The following MACROD2 variants were observed in gnomAD, a reference collection of about 807,000 sequenced individuals.
MACROD2 encodes the protein mono-ADP ribosylhydrolase 2, also known as ADP-ribose glycohydrolase MACROD2.
MACROD2 carries 36 observed loss-of-function variants against 70.4 expected under a neutral mutation model. That is an observed-to-expected ratio of 0.51 (90% CI 0.39 to 0.68). The LOEUF is 0.68. Among genes scored for constraint, MACROD2 ranks in the 30% least tolerant of loss-of-function variants. The pLI is 0.00. For missense variants in MACROD2, 496 were observed against 538.4 expected (o/e 0.92, Z 0.78); for synonymous variants, 172 against 178.8 (o/e 0.96, Z 0.30).
At chr20:15,882,352 C>T (rs919419119) in intron 9 of MACROD2, among the ~76,000 whole-genome samples, 4 of 151,952 alleles carry the variant, frequency 2.6e-5, no homozygotes, top group African/African-American at 9.7e-5. Context: ...AATGAATGGA[C>T]CCAGGAGACA....
At chr20:15,278,815 G>A (rs947378470) in intron 6 of MACROD2, among the ~76,000 whole-genome samples, 2 of 152,126 alleles carry the variant, frequency 1.3e-5, no homozygotes, top group Admixed American at 1.3e-4. Flanking sequence ...TCTTCATTAG[G>A]CATTAAATTC....
chr20:14,360,629 G>A (rs548965812), intron 3 of MACROD2, among the ~76,000 whole-genome samples: 1 of 152,182 alleles, frequency 6.6e-6, no homozygotes, highest in South Asian at 2.1e-4. Context: ...TTGCTAGGTT[G>A]TTGGAGAGAG....
intron 5 of MACROD2, among the ~76,000 whole-genome samples, chr20:15,197,510 G>A (rs990542933): frequency 1.3e-5 from 2 of 152,068 alleles, no homozygotes; most frequent in South Asian, 2.1e-4. Flanking sequence ...TAATTTAGGG[G>A]AACAGGAATA....
chr20:14,723,254 C>T (rs2071490838), intron 5 of MACROD2, among the ~76,000 whole-genome samples: 2 of 152,244 alleles, frequency 1.3e-5, no homozygotes, highest in Middle Eastern at 6.8e-3. Context: ...GCAGTTTTCT[C>T]ATCAGGAGCA....
chr20:14,867,245 G>A (rs574436341), intron 5 of MACROD2, among the ~76,000 whole-genome samples: 5 of 152,228 alleles, frequency 3.3e-5, no homozygotes, highest in African/African-American at 1.2e-4. Flanking sequence ...TTTCTTTGAG[G>A]GAGAAGAAAC....
At chr20:14,953,046 T>G (rs780066639) in intron 5 of MACROD2, among the ~76,000 whole-genome samples, 4 of 152,074 alleles carry the variant, frequency 2.6e-5, no homozygotes, top group Admixed American at 6.6e-5. Context: ...TACAGTGGTA[T>G]GTGTCAGACT....
At chr20:16,025,772 A>C (rs578128934) in intron 15 of MACROD2, among the ~76,000 whole-genome samples, 1 of 152,236 alleles carries the variant, frequency 6.6e-6, no homozygotes, top group African/African-American at 2.4e-5. Flanking sequence ...CCATGCCATA[A>C]TGCATTTCTA....
intron 4 of MACROD2, among the ~76,000 whole-genome samples, chr20:14,596,195 C>T (rs1360446217): frequency 6.6e-6 from 1 of 151,530 alleles, no homozygotes; most frequent in African/African-American, 2.4e-5. Context: ...ACGCCATTCT[C>T]CTGCCTCAGC....
At chr20:15,262,200 C>T (rs1310315062) in intron 6 of MACROD2, among the ~76,000 whole-genome samples, 4 of 151,842 alleles carry the variant, frequency 2.6e-5, no homozygotes, top group African/African-American at 9.7e-5. Flanking sequence ...CCCCCTTACA[C>T]CTACCCTTCC....
intron 8 of MACROD2, among the ~76,000 whole-genome samples, chr20:15,611,622 T>C (rs1334141860): frequency 2.0e-5 from 3 of 151,884 alleles, no homozygotes; most frequent in South Asian, 4.2e-4. Flanking sequence ...AGCATCCCTC[T>C]GATGTTCTCT....
chr20:14,365,708 T>G (rs981154553), intron 3 of MACROD2, among the ~76,000 whole-genome samples: 1 of 152,184 alleles, frequency 6.6e-6, no homozygotes, highest in Non-Finnish European at 1.5e-5. Context: ...GTTAGGTTAT[T>G]GATTTCAGAT....
intron 3 of MACROD2, among the ~76,000 whole-genome samples, chr20:14,416,451 C>T (rs759846514): frequency 5.9e-5 from 9 of 152,112 alleles, no homozygotes; most frequent in Admixed American, 2.0e-4. Context: ...CATGAATACA[C>T]AGTGTCTTAT....
chr20:15,333,862 G>T (rs930425656), intron 6 of MACROD2, among the ~76,000 whole-genome samples: 3 of 151,596 alleles, frequency 2.0e-5, no homozygotes, highest in Non-Finnish European at 2.9e-5. Context: ...TTGATTGCTG[G>T]ACTGGTTACT....
chr20:15,224,030 A>G (rs1209934933), intron 5 of MACROD2, among the ~76,000 whole-genome samples: 1 of 152,178 alleles, frequency 6.6e-6, no homozygotes, highest in East Asian at 1.9e-4. Context: ...AAACTAGCCC[A>G]CATGGAGAGT....
intron 5 of MACROD2, among the ~76,000 whole-genome samples, chr20:14,796,326 G>T (rs2072509532): frequency 6.6e-6 from 1 of 152,066 alleles, no homozygotes; most frequent in Non-Finnish European, 1.5e-5. Context: ...TGATGACCAA[G>T]AATTGTTTAA....
At chr20:14,247,090 A>G (rs922170861) in intron 3 of MACROD2, among the ~76,000 whole-genome samples, 5 of 152,228 alleles carry the variant, frequency 3.3e-5, no homozygotes, top group Admixed American at 6.5e-5. Context: ...CTGTGCATTC[A>G]TAACTAAATC....
chr20:15,497,577 A>G (rs2047314022), intron 7 of MACROD2, among the ~76,000 whole-genome samples: 1 of 152,122 alleles, frequency 6.6e-6, no homozygotes, highest in South Asian at 2.1e-4. Flanking sequence ...GGCGTGAGCC[A>G]CCGCACCTGG....
chr20:14,133,681 C>G (rs1361360820), intron 3 of MACROD2, among the ~76,000 whole-genome samples: 1 of 152,150 alleles, frequency 6.6e-6, no homozygotes, highest in Non-Finnish European at 1.5e-5. Flanking sequence ...CCTTGATAAG[C>G]ACATATCTAA....
chr20:14,583,382 C>T (rs924441390), intron 4 of MACROD2, among the ~76,000 whole-genome samples: 2 of 152,154 alleles, frequency 1.3e-5, no homozygotes, highest in African/African-American at 2.4e-5. Context: ...GGTGGGCAAC[C>T]CTGGGAGGCA....
Sources: allele counts gnomAD v4.1 joint callset (sites outside exome capture counted in the v4.1 genomes callset), GRCh38; gene constraint gnomAD v4.1.1; transcripts MANE v1.5; gene names NCBI Gene and HGNC (gene_info 2026-07-23, HGNC 2026-07-21).